Variants in KIF24 observed in about 807,000 individuals in gnomAD.
The protein encoded by KIF24 is kinesin-like protein KIF24.
KIF24 carries 81 observed loss-of-function variants against 118.9 expected under a neutral mutation model. That is an observed-to-expected ratio of 0.68 (90% confidence interval 0.57 to 0.82). The LOEUF (loss-of-function observed/expected upper bound fraction) is 0.82. Among genes scored for constraint, KIF24 ranks in the 40% least tolerant of loss-of-function variants. KIF24 has a pLI of 0.00. For synonymous variants in KIF24, 599 were observed against 610.0 expected, an observed-to-expected ratio of 0.98 and a Z score of 0.27; for missense variants, 1,560 against 1,661.6, an observed-to-expected ratio of 0.94 and a Z score of 1.06.
intron 1 of KIF24, among the ~76,000 whole-genome samples, chr9:34,326,954 A>AAAAT (rs35769931): frequency 1.5e-4 from 23 of 151,882 alleles, no homozygotes; most frequent in Admixed American, 9.2e-4. Context: ...TGACAAAAAA[A>AAAAT]AATGCTGACT....
At chr9:34,319,706 C>T (rs1352606992) in intron 1 of KIF24, 1 of 699,384 alleles carries the variant, frequency 1.4e-6, no homozygotes, top group East Asian at 2.8e-5. Flanking sequence ...GCTTCTGAGA[C>T]ACATGGGTGC....
At chr9:34,319,507 T>TAA in intron 1 of KIF24, 1 of 1,287,892 alleles carries the variant, frequency 7.8e-7, no homozygotes, top group Non-Finnish European at 1.1e-6. Context: ...GACCAGGACA[T>TAA]CTATGGGAGC....
At chr9:34,284,461 G>GATAA (rs979303720) in intron 6 of KIF24, among the ~76,000 whole-genome samples, 134 of 152,144 alleles carry the variant, frequency 8.8e-4, no homozygotes, top group African/African-American at 3.0e-3. Flanking sequence ...CAGGAGAATG[G>GATAA]ATAAATTGTG....
intron 6 of KIF24, among the ~76,000 whole-genome samples, chr9:34,272,150 C>A (rs568360246): frequency 1.3e-5 from 2 of 152,310 alleles, no homozygotes; most frequent in Admixed American, 6.5e-5. Context: ...GAAGAACATT[C>A]CATAGCTCAA....
Position 34,263,095 on chromosome 9 carries a change from C to T in KIF24, c.1515+6G>A, listed in dbSNP as rs952903432. The T allele has an allele frequency of 1.9e-6, 3 of 1,607,624 alleles. No homozygotes were observed. In the Admixed American group the frequency reaches 5.0e-5, roughly 27 times the overall value. ...GAACAAACTCAAGGCTCACATTTAA[C>T]TTTACCTGAGTTAGTTTGCTTTGCC... is the stretch of plus-strand genomic sequence containing the variant. On this transcript the variant is annotated splice_donor_region_variant and intron_variant, in intron 9 of 12. Coordinates refer to ENST00000402558, the MANE Select transcript of KIF24 (RefSeq NM_194313.4).
intron 3 of KIF24, among the ~76,000 whole-genome samples, chr9:34,304,547 A>G (rs1366238947): frequency 2.0e-5 from 3 of 152,228 alleles, no homozygotes; most frequent in African/African-American, 7.2e-5. Flanking sequence ...CGATGGCTAT[A>G]AGTAGCCATG....
intron 6 of KIF24, among the ~76,000 whole-genome samples, chr9:34,284,852 A>G (rs1200128151): frequency 6.6e-6 from 1 of 152,062 alleles, no homozygotes; most frequent in African/African-American, 2.4e-5. Flanking sequence ...GGTTTTATGC[A>G]TTTTTCTGTA....
At chr9:34,305,439 C>T (rs990398118) in intron 3 of KIF24, among the ~76,000 whole-genome samples, 21 of 151,978 alleles carry the variant, frequency 1.4e-4, no homozygotes, top group Non-Finnish European at 2.9e-4. Context: ...GTCCTGTTGC[C>T]CAAAAAGATA....
chr9:34,256,170 C>T lies in KIF24; in HGVS notation c.3437G>A (p.Arg1146Lys). 6.2e-7 allele frequency: 1 copy of T among 1,604,092 alleles called. No homozygotes were observed. Among genetic ancestry groups the T allele is most frequent in the South Asian group, 1.1e-5 (1 of 90,032 alleles). ...RQHPADKLPS[R>K]EADLGEACQS... The stretch of plus-strand genomic sequence containing the variant: ...GCAGGCCTCTCCTAGGTCTGCCTCC[C>T]TGCTGGGCAGCTTGTCAGCTGGGTG... The change falls in exon 11 of 13, where the codon AGG (arginine) becomes AAG (lysine). Residue 1146 changes from arginine to lysine, a missense_variant. Arg to Lys is a conservative substitution (Grantham distance 26). Transcript: ENST00000402558.
chr9:34,269,256 C>T lies in KIF24; in HGVS notation c.1443+1G>A, dbSNP rs758324491. The T allele has an allele frequency of 2.5e-6, 4 of 1,569,726 alleles. No homozygotes were observed. The highest frequency in any genetic ancestry group is 1.1e-5 in the South Asian group (1 of 89,410). ...TAGATTAAAGATTTTGAACAACTTA[C>T]AGCCAGTAGACTCTGATTTATTTCT... On this transcript the variant is annotated splice_donor_variant, in intron 8 of 12. Transcript: ENST00000402558. LOFTEE classifies it high-confidence loss of function.
At chr9:34,290,439 GT>G in intron 4 of KIF24, 50 bp from the exon 5 acceptor site, 1 of 1,178,998 alleles carries the variant, frequency 8.5e-7, no homozygotes, top group Non-Finnish European at 1.2e-6. Context: ...AGAAGTATTA[GT>G]TTACCCATAG....
In KIF24 at chr9:34,310,854, T is replaced by C. The variant is rs1837110271; in HGVS notation, c.493A>G (p.Thr165Ala). The part of the protein sequence containing the change: ...NATAGDSYVQ[T>A]EISTSLFSPN... ...GAAAAGAGTGAAGTGCTGATTTCTG[T>C]TTGCACATAGGAATCACCAGCTGTG... The change falls in exon 2 of 13, where the codon ACA (threonine) becomes GCA (alanine). Residue 165 changes from threonine to alanine, a missense_variant. By Grantham distance (58) the Thr-to-Ala change is moderately conservative. Around this residue, in one of 3 missense-constraint regions of KIF24, gnomAD observed 964 missense variants for 988.0 expected, o/e 0.98. Transcript: ENST00000402558. 1.2e-6 allele frequency: 2 copies of C among 1,613,904 alleles called. No individual in the cohort carries two copies. The highest frequency in any genetic ancestry group is 1.7e-6 in the Non-Finnish European group (2 of 1,179,888).
In KIF24 at chr9:34,295,947, C is replaced by T. The variant is rs112860014; in HGVS notation, c.911+1070G>A. ...ACTTAAAAATACATCTGGCCGGGCGCGATGGCTCACACCTGTAATCCCAGC... is the reference window on the plus strand; with the variant it reads ...ACTTAAAAATACATCTGGCCGGGCGTGATGGCTCACACCTGTAATCCCAGC... On this transcript the variant is annotated intron_variant, in intron 4 of 12. Coordinates refer to ENST00000402558, the MANE Select transcript of KIF24 (RefSeq NM_194313.4). 5.3e-3 allele frequency among the ~76,000 whole-genome samples: 798 copies of T among 150,132 alleles called. 6 individuals carry two copies. The highest frequency in any genetic ancestry group is 0.019 in the African/African-American group (763 of 41,180).
rs763424465 is a variant in KIF24 at position 34,256,633 on chromosome 9, C to T, written c.2974G>A (p.Val992Ile). ...EDGFTISLSH[V>I]AVPGSPDQRD... Reference sequence around the variant, plus strand: ...TGGTCTGGGGATCCAGGAACTGCAACGTGGGACAATGAGATAGTGAAACCA... The same window carrying T: ...TGGTCTGGGGATCCAGGAACTGCAATGTGGGACAATGAGATAGTGAAACCA... The change falls in exon 11 of 13, where the codon GTT becomes ATT. Residue 992 changes from valine to isoleucine, a missense_variant. Coordinates refer to ENST00000402558, the MANE Select transcript of KIF24 (RefSeq NM_194313.4). 12 of 1,613,824 alleles carry T rather than the reference C, an allele frequency of 7.4e-6. No individual in the cohort carries two copies. The highest frequency in any genetic ancestry group is 4.0e-5 in the African/African-American group (3 of 74,922).
At chr9:34,297,813 G>A (rs1372039632) in intron 3 of KIF24, among the ~76,000 whole-genome samples, 1 of 151,414 alleles carries the variant, frequency 6.6e-6, no homozygotes, top group Non-Finnish European at 1.5e-5. Context: ...TCTCAATTCT[G>A]TAGATTACAC....
chr9:34,320,744 GA>G (rs113849687), intron 1 of KIF24, among the ~76,000 whole-genome samples: 3 of 151,426 alleles, frequency 2.0e-5, no homozygotes, highest in African/African-American at 4.9e-5. Flanking sequence ...AAGGAGGGGA[GA>G]GGGGAGGACC....
chr9:34,269,446 G>A (rs1835418320), intron 7 of KIF24, 84 bp from the exon 8 acceptor site: 1 of 613,616 alleles, frequency 1.6e-6, no homozygotes, highest in Non-Finnish European at 2.5e-6. Context: ...TTGAGACGGA[G>A]TCTCACTCTG....
At position 34,256,458 on chromosome 9, in the gene KIF24, G is replaced by A; in HGVS notation, c.3149C>T (p.Ser1050Phe). The change falls in exon 11 of 13, where the codon TCT becomes TTT. Residue 1050 changes from serine to phenylalanine, a missense_variant. Coordinates refer to ENST00000402558, the MANE Select transcript of KIF24 (RefSeq NM_194313.4). ...THAEYASGLM[S>F]PLTMSLLENP... ...CTCCAGGAGGGACATGGTGAGGGGAGACATGAGTCCAGAAGCATATTCAGC... is the reference window on the plus strand; with the variant it reads ...CTCCAGGAGGGACATGGTGAGGGGAAACATGAGTCCAGAAGCATATTCAGC... 1.2e-6 allele frequency: 2 copies of A among 1,613,862 alleles called. No homozygotes were observed. Among genetic ancestry groups the A allele is most frequent in the South Asian group, 2.2e-5 (2 of 91,080 alleles).
At chr9:34,320,171 G>C (rs1837466713) in intron 1 of KIF24, among the ~76,000 whole-genome samples, 1 of 152,068 alleles carries the variant, frequency 6.6e-6, no homozygotes, top group African/African-American at 2.4e-5. Flanking sequence ...CACAGGACAG[G>C]CTTCTGGGCA....
Sources: allele counts gnomAD v4.1 joint callset (sites outside exome capture counted in the v4.1 genomes callset), GRCh38; gene constraint gnomAD v4.1.1; regional missense constraint gnomAD v4.1.1; transcripts MANE v1.5; gene names NCBI Gene and HGNC (gene_info 2026-07-23, HGNC 2026-07-21).